CDH13: variants seen among roughly 807,000 people sequenced by gnomAD.
CDH13 encodes the protein cadherin 13.
Under a neutral mutation model 63.8 loss-of-function variants are expected in CDH13, and 24 were observed. The ratio of observed to expected loss-of-function variants is 0.38; its 90% confidence interval spans 0.27 to 0.53. CDH13 has a LOEUF of 0.53. Among genes scored for constraint, CDH13 ranks in the 20% least tolerant of loss-of-function variants. The pLI is 0.85. For missense variants in CDH13, 1,049 were observed against 903.1 expected, an observed-to-expected ratio of 1.16 and a Z score of -2.07; for synonymous variants, 503 against 355.3, an observed-to-expected ratio of 1.42 and a Z score of -4.67.
chr16:82,639,270 T>TCCTG, intron 1 of CDH13: 1 of 818,366 alleles, frequency 1.2e-6, no homozygotes, highest in Middle Eastern at 2.4e-4. Flanking sequence ...GCCCTGGACT[T>TCCTG]CCTGTCTGGG....
At chr16:83,252,271 C>CT (rs59464826) in intron 5 of CDH13, among the ~76,000 whole-genome samples, 36 of 138,952 alleles carry the variant, frequency 2.6e-4, no homozygotes, top group Admixed American at 1.7e-3. Flanking sequence ...TCTTTTTTTT[C>CT]TTTTTTTTTT....
intron 4 of CDH13, among the ~76,000 whole-genome samples, chr16:83,217,018 G>A (rs1237423983): frequency 6.6e-6 from 1 of 151,488 alleles, no homozygotes; most frequent in African/African-American, 2.4e-5. Context: ...ATATTTTTTT[G>A]AAAAAAATAT....
At chr16:83,372,749 T>TCAAAAAAAAAAAA (rs1555537364) in intron 6 of CDH13, among the ~76,000 whole-genome samples, 2 of 95,574 alleles carry the variant, frequency 2.1e-5, no homozygotes. Flanking sequence ...AGACTCGGTC[T>TCAAAAAAAAAAAA]AAAAAAAAAA....
chr16:82,703,134 A>T (rs1161875488), intron 1 of CDH13, among the ~76,000 whole-genome samples: 1 of 152,116 alleles, frequency 6.6e-6, no homozygotes, highest in Non-Finnish European at 1.5e-5. Flanking sequence ...TTATATATTC[A>T]GATATTTGTG....
chr16:83,494,083 C>T (rs906481328), intron 7 of CDH13, among the ~76,000 whole-genome samples: 1 of 152,170 alleles, frequency 6.6e-6, no homozygotes, highest in Non-Finnish European at 1.5e-5. Context: ...TTAACTTTAT[C>T]ATGAAGAAAG....
chr16:82,692,491 CAT>C (rs776346706), intron 1 of CDH13, among the ~76,000 whole-genome samples: 371 of 151,982 alleles, frequency 2.4e-3, no homozygotes, highest in Non-Finnish European at 4.3e-3. Context: ...CATCAGATCT[CAT>C]GAGATGTATT....
chr16:82,876,414 A>G lies in CDH13; in HGVS notation c.157+17941A>G, dbSNP rs143053003. ...GTATACGACATTGAAAGAACATGCA[A>G]CCCACATTTTTGTCTTATTTTCAAG... On this transcript the variant is annotated intron_variant, in intron 2 of 13. Transcript: ENST00000567109. Among the ~76,000 whole-genome samples the G allele has an allele frequency of 5.4e-4, 83 of 152,300 alleles. 1 individual carries two copies. The highest frequency in any genetic ancestry group is 1.7e-3 in the African/African-American group (71 of 41,554).
chr16:82,910,087 C>T (rs908416912), intron 2 of CDH13, among the ~76,000 whole-genome samples: 4 of 152,140 alleles, frequency 2.6e-5, no homozygotes, highest in Non-Finnish European at 5.9e-5. Flanking sequence ...TTCAATTCTC[C>T]ACCCCTCTTT....
Position 83,019,724 on chromosome 16 carries a change from G to A in CDH13, c.158-12286G>A, listed in dbSNP as rs758730036. 5.3e-5 allele frequency among the ~76,000 whole-genome samples: 8 copies of A among 150,804 alleles called. No individual in the cohort carries two copies. In the South Asian group the frequency reaches 1.7e-3, roughly 32 times the overall value. ...TTGCCCAGTATGGTCTCAAACTCCT[G>A]GGCTCAAGCGATCTGCCTACCTGGG... On this transcript the variant is annotated intron_variant, in intron 2 of 13. Coordinates refer to ENST00000567109, the MANE Select transcript of CDH13 (RefSeq NM_001257.5).
intron 1 of CDH13, among the ~76,000 whole-genome samples, chr16:82,800,872 T>C (rs1370306388): frequency 6.6e-6 from 1 of 152,220 alleles, no homozygotes; most frequent in East Asian, 1.9e-4. Context: ...ATTCAATTAT[T>C]TTAATTTAGC....
chr16:83,443,724 AAAAAAAAAAAAATATATATAT>A (rs2072561655), intron 6 of CDH13, among the ~76,000 whole-genome samples: 1 of 56,686 alleles, frequency 1.8e-5, no homozygotes, highest in African/African-American at 1.2e-4. Context: ...AAAAAAAAAA[AAAAAAAAAAAAATATATATAT>A]ATATATATAT....
intron 1 of CDH13, among the ~76,000 whole-genome samples, chr16:82,640,753 C>G (rs1214754305): frequency 1.3e-5 from 2 of 152,172 alleles, no homozygotes; most frequent in African/African-American, 4.8e-5. Context: ...GGTCACATAT[C>G]ACTAGATTAT....
intron 10 of CDH13, among the ~76,000 whole-genome samples, chr16:83,703,703 A>G (rs549984815): frequency 1.8e-3 from 279 of 152,358 alleles, no homozygotes; most frequent in Non-Finnish European, 2.6e-3. Context: ...TTTTATAAAC[A>G]GAAAAGTACT....
intron 4 of CDH13, among the ~76,000 whole-genome samples, chr16:83,189,275 C>G (rs533275175): frequency 6.6e-6 from 1 of 152,146 alleles, no homozygotes; most frequent in African/African-American, 2.4e-5. Flanking sequence ...GGCCTCCAGC[C>G]CCTCATGCAC....
At chr16:83,610,771 A>G (rs777762366) in intron 8 of CDH13, among the ~76,000 whole-genome samples, 41 of 152,198 alleles carry the variant, frequency 2.7e-4, no homozygotes, top group Non-Finnish European at 5.3e-4. Flanking sequence ...ATAGTGGAAT[A>G]AGTATTCTTG....
At chr16:83,129,631 C>A (rs553851403) in intron 4 of CDH13, among the ~76,000 whole-genome samples, 1 of 152,304 alleles carries the variant, frequency 6.6e-6, no homozygotes, top group African/African-American at 2.4e-5. Flanking sequence ...TTTCTACTCC[C>A]AGCAGTCACT....
intron 2 of CDH13, among the ~76,000 whole-genome samples, chr16:82,903,001 A>C (rs532383128): frequency 4.3e-4 from 65 of 152,332 alleles, no homozygotes; most frequent in East Asian, 1.7e-3. Flanking sequence ...TCCTTTCTCT[A>C]GTTCAGGCAT....
At chr16:83,141,116 A>G (rs994678404) in intron 4 of CDH13, among the ~76,000 whole-genome samples, 2 of 152,188 alleles carry the variant, frequency 1.3e-5, no homozygotes, top group African/African-American at 4.8e-5. Flanking sequence ...ATCAACACTT[A>G]TATCTTCTCC....
At chr16:83,767,828 G>T (rs1354388985) in intron 11 of CDH13, among the ~76,000 whole-genome samples, 1 of 152,142 alleles carries the variant, frequency 6.6e-6, no homozygotes, top group Admixed American at 6.5e-5. Context: ...TTGATCAGTA[G>T]TTGCCAGGGG....
Sources: gnomAD v4.1 joint callset for allele counts (sites outside exome capture counted in the v4.1 genomes callset) on GRCh38, gnomAD v4.1.1 for gene constraint, MANE v1.5 for transcripts, NCBI Gene and HGNC (gene_info 2026-07-23, HGNC 2026-07-21) for gene names.